The following RARB variants were observed in gnomAD, a reference collection of about 807,000 sequenced individuals.
The protein encoded by RARB is HBV-activated protein.
A neutral mutation model predicts 51.9 loss-of-function variants in RARB; 17 were observed. The observed-to-expected ratio is 0.33, with a 90% CI of 0.22 to 0.49. The LOEUF (loss-of-function observed/expected upper bound fraction) is 0.49. RARB is among the 20% of genes least tolerant of loss of function. RARB has a pLI of 0.99. For missense variants in RARB, 369 were observed against 550.8 expected, an observed-to-expected ratio of 0.67 and a Z score of 3.30; for synonymous variants, 215 against 195.4, an observed-to-expected ratio of 1.10 and a Z score of -0.84.
At chr3:25,423,086 C>T (rs1707902756) in intron 5 of RARB, among the ~76,000 whole-genome samples, 1 of 152,162 alleles carries the variant, frequency 6.6e-6, no homozygotes, top group Non-Finnish European at 1.5e-5. Context: ...TCCAGTGGCC[C>T]CGTACAGAAA....
chr3:25,538,278 G>C (rs1699225685), intron 3 of RARB, among the ~76,000 whole-genome samples: 1 of 152,060 alleles, frequency 6.6e-6, no homozygotes, highest in Admixed American at 6.6e-5. Flanking sequence ...GAACTTTCTT[G>C]TTATTCCCAT....
intron 2 of RARB, 107 bp downstream of exon 2, chr3:25,461,448 A>C (rs756839923): frequency 1.6e-6 from 2 of 1,274,704 alleles, no homozygotes; most frequent in Non-Finnish European, 2.2e-6. Flanking sequence ...ATCACCTCCC[A>C]TAAGTGTGGT....
At chr3:25,282,167 C>G (rs1217614669) in intron 5 of RARB, among the ~76,000 whole-genome samples, 1 of 152,154 alleles carries the variant, frequency 6.6e-6, no homozygotes. Flanking sequence ...CCAGATATGG[C>G]CCTGTATTAC....
intron 4 of RARB, among the ~76,000 whole-genome samples, chr3:25,133,361 G>C (rs932288959): frequency 4.0e-5 from 6 of 151,874 alleles, no homozygotes; most frequent in African/African-American, 1.5e-4. Context: ...CACTGCTTTT[G>C]CCGGGATATT....
chr3:25,589,573 C>T (rs1701533700), intron 5 of RARB, among the ~76,000 whole-genome samples: 1 of 152,216 alleles, frequency 6.6e-6, no homozygotes, highest in African/African-American at 2.4e-5. Flanking sequence ...AAGTCCCTGG[C>T]TCTGCCTCTG....
At chr3:24,897,976 T>C (rs1407566467) in intron 2 of RARB, among the ~76,000 whole-genome samples, 1 of 152,194 alleles carries the variant, frequency 6.6e-6, no homozygotes, top group Non-Finnish European at 1.5e-5. Context: ...AAAATGGGTG[T>C]TGAGAAAGTT....
chr3:25,312,828 G>A (rs1389023988), intron 5 of RARB, among the ~76,000 whole-genome samples: 3 of 152,130 alleles, frequency 2.0e-5, no homozygotes, highest in South Asian at 2.1e-4. Context: ...GCTGTCCCTC[G>A]CGGATAGACA....
At chr3:25,318,401 T>C (rs1182991922) in intron 5 of RARB, among the ~76,000 whole-genome samples, 1 of 152,238 alleles carries the variant, frequency 6.6e-6, no homozygotes, top group African/African-American at 2.4e-5. Context: ...TAAATGACTA[T>C]AATGATTTAT....
At chr3:25,075,281 AC>A (rs1320892627) in intron 3 of RARB, among the ~76,000 whole-genome samples, 1 of 151,788 alleles carries the variant, frequency 6.6e-6, no homozygotes, top group Non-Finnish European at 1.5e-5. Flanking sequence ...GCTTCCCTAT[AC>A]CCCGTCTTTC....
intron 2 of RARB, among the ~76,000 whole-genome samples, chr3:24,869,191 A>C (rs1326180493): frequency 6.6e-6 from 1 of 152,186 alleles, no homozygotes; most frequent in East Asian, 1.9e-4. Flanking sequence ...ATGTACAATT[A>C]AAATCACTAA....
intron 3 of RARB, among the ~76,000 whole-genome samples, chr3:25,530,951 C>T (rs573819174): frequency 6.6e-6 from 1 of 152,258 alleles, no homozygotes; most frequent in East Asian, 1.9e-4. Context: ...CTTTTATACC[C>T]TAGGAGCAAA....
chr3:24,912,839 T>G (rs1463468412), intron 2 of RARB, among the ~76,000 whole-genome samples: 1 of 152,056 alleles, frequency 6.6e-6, no homozygotes, highest in African/African-American at 2.4e-5. Context: ...GAAATGTTTT[T>G]CAAAGTGTAA....
chr3:25,071,807 G>A (rs368624255), intron 3 of RARB, among the ~76,000 whole-genome samples: 1 of 152,174 alleles, frequency 6.6e-6, no homozygotes, highest in Non-Finnish European at 1.5e-5. Context: ...TAGTAGGACA[G>A]TTGAACATGC....
At chr3:25,033,574 T>C (rs1358900291) in intron 2 of RARB, among the ~76,000 whole-genome samples, 1 of 152,140 alleles carries the variant, frequency 6.6e-6, no homozygotes, top group African/African-American at 2.4e-5. Context: ...CCAGGAGACA[T>C]GCCGATTATG....
At chr3:25,306,544 G>T (rs1704156110) in intron 5 of RARB, among the ~76,000 whole-genome samples, 1 of 151,620 alleles carries the variant, frequency 6.6e-6, no homozygotes, top group African/African-American at 2.4e-5. Context: ...AAGAAAGGAG[G>T]AAAGAAAGAA....
intron 2 of RARB, among the ~76,000 whole-genome samples, chr3:25,487,226 C>T (rs1045101874): frequency 3.3e-5 from 5 of 152,148 alleles, no homozygotes; most frequent in African/African-American, 7.2e-5. Flanking sequence ...TCCAGGTTTT[C>T]GCTTCCATGG....
intron 2 of RARB, among the ~76,000 whole-genome samples, chr3:24,864,839 G>T (rs997252513): frequency 6.6e-6 from 1 of 152,160 alleles, no homozygotes; most frequent in Non-Finnish European, 1.5e-5. Flanking sequence ...GCATTTGGAA[G>T]GTGTGTGAAA....
rs35056259 is a variant in RARB, at chr3:25,456,554, A to ATTTTTTTTTT, written c.158-4623_158-4614dup. The stretch of plus-strand genomic sequence containing the variant: ...GGTGATCTGACAGACTATACCACTG[A>ATTTTTTTTTT]TTTTTTTTTTTTTTTTTTTTTTTTT... On this transcript the variant is annotated intron_variant, in intron 1 of 7. Coordinates refer to ENST00000330688, the MANE Select transcript of RARB (RefSeq NM_000965.5). Among the ~76,000 whole-genome samples the ATTTTTTTTTT allele has an allele frequency of 9.1e-5, 4 of 44,118 alleles. 1 individual carries two copies. The highest frequency in any genetic ancestry group is 3.0e-4 in the African/African-American group (3 of 10,122). 28.9% of individuals were successfully genotyped at this position (44,118 alleles called of 152,430 possible).
chr3:24,889,419 C>G (rs538319260), intron 2 of RARB, among the ~76,000 whole-genome samples: 4 of 152,148 alleles, frequency 2.6e-5, no homozygotes, highest in African/African-American at 9.6e-5. Flanking sequence ...GCAGTGTTTA[C>G]GTTTTTTATT....
Sources: gnomAD v4.1 joint callset for allele counts (sites outside exome capture counted in the v4.1 genomes callset) on GRCh38, gnomAD v4.1.1 for gene constraint, MANE v1.5 for transcripts, NCBI Gene and HGNC (gene_info 2026-07-23, HGNC 2026-07-21) for gene names.